The following ARL15 variants were observed in gnomAD, a reference collection of about 807,000 sequenced individuals.
ARL15 encodes the protein ARF like GTPase 15.
Under a neutral mutation model 25.2 loss-of-function variants are expected in ARL15, and 19 were observed. That is an observed-to-expected ratio of 0.75 (90% CI 0.53 to 1.10). The LOEUF is 1.10. Among genes scored for constraint, ARL15 ranks in the 50% least tolerant of loss-of-function variants. The probability of loss-of-function intolerance (pLI) is 0.00; values close to 1 mark genes in which losing one functional copy is unlikely to be tolerated. For missense variants in ARL15, 220 were observed against 246.0 expected (o/e 0.89, Z 0.71); for synonymous variants, 94 against 86.8 (o/e 1.08, Z -0.46).
intron 4 of ARL15, among the ~76,000 whole-genome samples, chr5:53,889,630 C>T (rs1744649639): frequency 6.6e-6 from 1 of 152,226 alleles, no homozygotes; most frequent in Non-Finnish European, 1.5e-5. Context: ...TTCCACACAA[C>T]TCTACATTTA....
chr5:54,072,954 G>C (rs1269920715), intron 4 of ARL15, among the ~76,000 whole-genome samples: 2 of 152,154 alleles, frequency 1.3e-5, no homozygotes, highest in Non-Finnish European at 2.9e-5. Flanking sequence ...GGCCCTCAGG[G>C]AATGTGGATT....
At chr5:54,005,650 T>A (rs1749004337) in intron 4 of ARL15, among the ~76,000 whole-genome samples, 3 of 151,554 alleles carry the variant, frequency 2.0e-5, no homozygotes, top group Admixed American at 2.0e-4. Flanking sequence ...GATCACGAGG[T>A]CAGGAGATCG....
chr5:53,888,246 G>GT (rs1744597887), intron 4 of ARL15, among the ~76,000 whole-genome samples: 1 of 150,416 alleles, frequency 6.6e-6, no homozygotes, highest in African/African-American at 2.4e-5. Context: ...TGTTGTTGTT[G>GT]TTTTTCTTTT....
intron 4 of ARL15, among the ~76,000 whole-genome samples, chr5:53,906,688 CTG>C (rs1745258713): frequency 6.6e-6 from 1 of 152,136 alleles, no homozygotes; most frequent in Non-Finnish European, 1.5e-5. Flanking sequence ...ATAGGCAAGG[CTG>C]AATTTGCAAT....
At chr5:54,200,175 A>G (rs10051537) in intron 1 of ARL15, among the ~76,000 whole-genome samples, 95,682 of 147,628 alleles carry the variant, frequency 0.65, 31,710 homozygotes, top group African/African-American at 0.76. Flanking sequence ...GGATAGCACC[A>G]GGAGATATAC....
chr5:54,101,303 C>T (rs10062219), intron 4 of ARL15, among the ~76,000 whole-genome samples: 305 of 152,062 alleles, frequency 2.0e-3, no homozygotes, highest in African/African-American at 7.0e-3. Flanking sequence ...AAAATTTTGA[C>T]TAACTAGAGT....
chr5:54,251,126 C>T (rs1757225500), intron 1 of ARL15, among the ~76,000 whole-genome samples: 1 of 123,544 alleles, frequency 8.1e-6, no homozygotes, highest in African/African-American at 2.5e-5. Context: ...AAGTGATTCA[C>T]TTGAAAGCCC....
chr5:54,176,670 G>C (rs1043642908), intron 1 of ARL15, among the ~76,000 whole-genome samples: 2 of 152,070 alleles, frequency 1.3e-5, no homozygotes, highest in Non-Finnish European at 2.9e-5. Flanking sequence ...GTGTAACTCT[G>C]TTCAAGCCTC....
At chr5:54,299,818 A>G (rs1392658433) in intron 1 of ARL15, among the ~76,000 whole-genome samples, 1 of 151,836 alleles carries the variant, frequency 6.6e-6, no homozygotes, top group African/African-American at 2.4e-5. Context: ...GGATCTCCTG[A>G]TCTCGGGATA....
At chr5:54,177,550 A>G (rs957009777) in intron 1 of ARL15, among the ~76,000 whole-genome samples, 1 of 152,206 alleles carries the variant, frequency 6.6e-6, no homozygotes, top group African/African-American at 2.4e-5. Context: ...TTCTGTTTGG[A>G]ACAGAAATAA....
chr5:54,105,987 ATAAATATAAGCAATTAT>A (rs1490820267), intron 4 of ARL15, among the ~76,000 whole-genome samples: 51 of 152,214 alleles, frequency 3.4e-4, no homozygotes, highest in African/African-American at 1.2e-3. Context: ...GTTCTATAAG[ATAAATATAAGCAATTAT>A]TTTAAAATGT....
intron 4 of ARL15, among the ~76,000 whole-genome samples, chr5:53,968,631 G>A (rs530187695): frequency 1.3e-5 from 2 of 152,050 alleles, no homozygotes; most frequent in East Asian, 2.0e-4. Flanking sequence ...TGCAGTCTTC[G>A]GACGGGCTTA....
intron 1 of ARL15, among the ~76,000 whole-genome samples, chr5:54,203,903 AG>A (rs1467994430): frequency 1.3e-5 from 2 of 152,280 alleles, no homozygotes; most frequent in East Asian, 3.9e-4. Context: ...AGGCAGGGGC[AG>A]GAGGGTATTA....
In ARL15 at chr5:54,306,699, C is replaced by T. The variant is rs562408061; in HGVS notation, c.48+3733G>A. ...AGCCACCTCGCCCAGCCACACAATACGTTAACATTTTATATTTGAAAAGCA... is the reference window on the plus strand; with the variant it reads ...AGCCACCTCGCCCAGCCACACAATATGTTAACATTTTATATTTGAAAAGCA... On this transcript the variant is annotated intron_variant, in intron 1 of 4. Transcript: ENST00000504924. 1.8e-4 allele frequency among the ~76,000 whole-genome samples: 27 copies of T among 151,904 alleles called. No individual in the cohort carries two copies. In the South Asian group the frequency reaches 5.2e-3, roughly 29 times the overall value.
chr5:54,092,929 T>C (rs566349381), intron 4 of ARL15, among the ~76,000 whole-genome samples: 1 of 152,370 alleles, frequency 6.6e-6, no homozygotes, highest in African/African-American at 2.4e-5. Flanking sequence ...ATCATAAATT[T>C]TAAAAGTCTC....
intron 1 of ARL15, among the ~76,000 whole-genome samples, chr5:54,294,258 A>G (rs922208196): frequency 6.6e-6 from 1 of 152,236 alleles, no homozygotes; most frequent in African/African-American, 2.4e-5. Flanking sequence ...TGGTTTTGCC[A>G]ATAAAGTTCT....
chr5:54,103,994 T>C (rs776690071), intron 4 of ARL15, among the ~76,000 whole-genome samples: 2 of 152,214 alleles, frequency 1.3e-5, no homozygotes, highest in South Asian at 4.1e-4. Flanking sequence ...ACTTCTGTAG[T>C]CTGGCTTTGC....
intron 4 of ARL15, among the ~76,000 whole-genome samples, chr5:53,942,675 G>A (rs1440388834): frequency 6.6e-6 from 1 of 152,162 alleles, no homozygotes; most frequent in African/African-American, 2.4e-5. Flanking sequence ...GAACCCAGGA[G>A]GTGGAGGTTG....
rs576720604 is a variant in ARL15, at chr5:54,246,311, G to A, written c.48+64121C>T. 3.5e-4 allele frequency among the ~76,000 whole-genome samples: 53 copies of A among 151,808 alleles called. 2 individuals carry two copies. The South Asian group carries it at 9.8e-3, about 28-fold the overall frequency. On this transcript the variant is annotated intron_variant, in intron 1 of 4. Transcript: ENST00000504924. The stretch of plus-strand genomic sequence containing the variant: ...AACATGAAGCTATTCTCATCTACAC[G>A]ATCCCTCCGACAACTTGCCCACTCC...
Sources: allele counts gnomAD v4.1 joint callset (sites outside exome capture counted in the v4.1 genomes callset), GRCh38; gene constraint gnomAD v4.1.1; transcripts MANE v1.5; gene names NCBI Gene and HGNC (gene_info 2026-07-23, HGNC 2026-07-21).